COL22A1: variants seen among roughly 807,000 people sequenced by gnomAD.
The protein encoded by COL22A1 is collagen type XXII alpha 1 chain.
In COL22A1, 221 loss-of-function variants were observed where a neutral mutation model predicts 248.9. That is an observed-to-expected ratio of 0.89 (90% CI 0.80 to 0.99). COL22A1 has a LOEUF of 0.99. COL22A1 is among the 50% of genes least tolerant of loss of function. The pLI, the probability that COL22A1 is intolerant of heterozygous loss-of-function variation, is 0.00. For missense variants in COL22A1, 2,240 were observed against 2,179.0 expected, an observed-to-expected ratio of 1.03 and a Z score of -0.56; for synonymous variants, 891 against 793.4, an observed-to-expected ratio of 1.12 and a Z score of -2.07.
chr8:138,722,011 G>A, intron 26 of COL22A1, 25 bp downstream of exon 26: 2 of 1,557,216 alleles, frequency 1.3e-6, no homozygotes, highest in Non-Finnish European at 1.7e-6. Context: ...TTCCCAAACT[G>A]GTGCCAACCG....
intron 12 of COL22A1, among the ~76,000 whole-genome samples, chr8:138,781,580 T>C (rs1167746115): frequency 6.6e-6 from 1 of 152,204 alleles, no homozygotes; most frequent in Non-Finnish European, 1.5e-5. Flanking sequence ...AGGAATCTCA[T>C]GCAGACACAC....
chr8:138,756,886 T>TA (rs1253832118), intron 18 of COL22A1, among the ~76,000 whole-genome samples: 2 of 152,190 alleles, frequency 1.3e-5, no homozygotes, highest in African/African-American at 4.8e-5. Context: ...AGTGTTTTTC[T>TA]AAAAATCCCG....
rs923868211 is a variant in COL22A1 at position 138,835,174 on chromosome 8, C to A, written c.734-2024G>T. ...TTTTTGGATTGGACCGTTCCCTGCC[C>A]TTTGCCATCCTGAGGTTGTCAAGTT... On this transcript the variant is annotated intron_variant, in intron 4 of 64. Coordinates refer to ENST00000303045, the MANE Select transcript of COL22A1 (RefSeq NM_152888.3). 2.0e-5 allele frequency among the ~76,000 whole-genome samples: 3 copies of A among 152,274 alleles called. No homozygotes were observed. In the East Asian group the frequency reaches 5.8e-4, roughly 29 times the overall value.
At chr8:138,721,894 C>T (rs778460020) in intron 26 of COL22A1, 142 bp downstream of exon 26, 12 of 734,990 alleles carry the variant, frequency 1.6e-5, no homozygotes, top group Non-Finnish European at 2.9e-5. Flanking sequence ...CCCATCTGAC[C>T]CCATAAATCC....
chr8:138,811,775 C>T (rs1217354059), intron 9 of COL22A1, 24 bp downstream of exon 9: 2 of 1,609,788 alleles, frequency 1.2e-6, no homozygotes, highest in South Asian at 1.1e-5. Flanking sequence ...TCTGCTGGGG[C>T]TGAAGGTGGA....
chr8:138,672,445 T>C (rs1048422853), intron 41 of COL22A1, among the ~76,000 whole-genome samples: 2 of 152,168 alleles, frequency 1.3e-5, no homozygotes, highest in African/African-American at 4.8e-5. Context: ...AAAAAACTGT[T>C]CTGTTAGGGC....
intron 45 of COL22A1, among the ~76,000 whole-genome samples, chr8:138,650,067 G>T (rs1477045343): frequency 1.3e-5 from 2 of 152,146 alleles, no homozygotes; most frequent in African/African-American, 4.8e-5. Flanking sequence ...ATAGCCTGAG[G>T]AAATGATGTC....
At chr8:138,781,309 CAT>C (rs1814973121) in intron 12 of COL22A1, among the ~76,000 whole-genome samples, 2 of 152,240 alleles carry the variant, frequency 1.3e-5, no homozygotes, top group South Asian at 2.1e-4. Context: ...GGCTTGGTCT[CAT>C]ATGTGTAAAG....
At chr8:138,592,585 GA>G (rs1817173382) in intron 63 of COL22A1, among the ~76,000 whole-genome samples, 1 of 152,080 alleles carries the variant, frequency 6.6e-6, no homozygotes, top group Admixed American at 6.6e-5. Flanking sequence ...AACATTATAG[GA>G]AATGGATAAG....
chr8:138,850,151 C>T (rs1821523032), intron 3 of COL22A1, among the ~76,000 whole-genome samples: 2 of 152,152 alleles, frequency 1.3e-5, no homozygotes, highest in African/African-American at 4.8e-5. Context: ...ACCTCCACCA[C>T]CTGTTCCAGA....
At chr8:138,801,824 G>C (rs534408273) in intron 11 of COL22A1, among the ~76,000 whole-genome samples, 116 of 152,066 alleles carry the variant, frequency 7.6e-4, no homozygotes, top group African/African-American at 2.8e-3. Context: ...AGGTTGCAGT[G>C]AGCAAAGATC....
intron 3 of COL22A1, among the ~76,000 whole-genome samples, chr8:138,855,226 C>T (rs1354917153): frequency 6.6e-6 from 1 of 152,228 alleles, no homozygotes; most frequent in Non-Finnish European, 1.5e-5. Flanking sequence ...TCTTTCAATT[C>T]ACTTTGCATA....
chr8:138,821,967 C>T (rs578231427), intron 6 of COL22A1, among the ~76,000 whole-genome samples: 1 of 152,130 alleles, frequency 6.6e-6, no homozygotes, highest in East Asian at 1.9e-4. Flanking sequence ...GGGTAGCCTT[C>T]GGAAAATGCA....
intron 11 of COL22A1, among the ~76,000 whole-genome samples, chr8:138,802,330 G>A (rs1201468886): frequency 6.6e-6 from 1 of 151,922 alleles, no homozygotes; most frequent in Admixed American, 6.6e-5. Context: ...GCCAGGTGCT[G>A]GAAACTCTGT....
At chr8:138,816,156 G>C (rs971396785) in intron 7 of COL22A1, among the ~76,000 whole-genome samples, 8 of 152,286 alleles carry the variant, frequency 5.3e-5, no homozygotes, top group Non-Finnish European at 1.0e-4. Context: ...CAAGGCCGCA[G>C]GGACAGGGAA....
chr8:138,768,874 T>C (rs1414771888), intron 16 of COL22A1, among the ~76,000 whole-genome samples: 1 of 151,512 alleles, frequency 6.6e-6, no homozygotes, highest in Non-Finnish European at 1.5e-5. Flanking sequence ...GAGGCAGAGG[T>C]TTCAGTGAGC....
intron 16 of COL22A1, among the ~76,000 whole-genome samples, chr8:138,773,194 C>T (rs559472849): frequency 5.1e-4 from 78 of 152,196 alleles, no homozygotes; most frequent in Non-Finnish European, 9.4e-4. Context: ...GCCCCAGGAG[C>T]GGAACCACCA....
intron 1 of COL22A1, among the ~76,000 whole-genome samples, chr8:138,900,325 T>A (rs1435314137): frequency 6.6e-6 from 1 of 152,234 alleles, no homozygotes; most frequent in Non-Finnish European, 1.5e-5. Flanking sequence ...CAATAGCATC[T>A]ATCCGGTCTT....
intron 1 of COL22A1, among the ~76,000 whole-genome samples, chr8:138,906,173 A>G (rs6577960): frequency 0.96 from 146,450 of 152,084 alleles, 70,561 homozygotes; most frequent in East Asian, 1. Flanking sequence ...GATTGAGACC[A>G]TCCTGGCTGA....
Sources: gnomAD v4.1 joint callset for allele counts (sites outside exome capture counted in the v4.1 genomes callset) on GRCh38, gnomAD v4.1.1 for gene constraint, MANE v1.5 for transcripts, NCBI Gene and HGNC (gene_info 2026-07-23, HGNC 2026-07-21) for gene names.